RASGEF1C: variants seen among roughly 807,000 people sequenced by gnomAD.
The protein encoded by RASGEF1C is RasGEF domain family member 1C.
RASGEF1C carries 27 observed loss-of-function variants against 58.1 expected under a neutral mutation model. The observed-to-expected ratio is 0.46, with a 90% CI of 0.34 to 0.64. The LOEUF is 0.64. Among genes scored for constraint, RASGEF1C ranks in the 30% least tolerant of loss-of-function variants. The pLI, the probability that RASGEF1C is intolerant of heterozygous loss-of-function variation, is 0.01. For synonymous variants in RASGEF1C, 243 were observed against 246.3 expected (o/e 0.99, Z 0.13); for missense variants, 502 against 605.1 (o/e 0.83, Z 1.79).
chr5:180,179,378 G>A (rs11750181), intron 1 of RASGEF1C, among the ~76,000 whole-genome samples: 3,607 of 152,198 alleles, frequency 0.024, 92 homozygotes, highest in African/African-American at 0.051. Context: ...AGCCCAGAGG[G>A]CAGCATTTCA....
At chr5:180,153,105 G>GA (rs1400955620) in intron 1 of RASGEF1C, among the ~76,000 whole-genome samples, 1 of 152,040 alleles carries the variant, frequency 6.6e-6, no homozygotes, top group African/African-American at 2.4e-5. Context: ...CCCAAATGGG[G>GA]AAAATGGGAA....
At chr5:180,205,774 C>A (rs1238198185) in intron 1 of RASGEF1C, among the ~76,000 whole-genome samples, 1 of 151,658 alleles carries the variant, frequency 6.6e-6, no homozygotes, top group African/African-American at 2.4e-5. Flanking sequence ...GTTGCCCAGG[C>A]TGGAGTGCAG....
rs1027188918 is a variant in RASGEF1C at position 180,182,062 on chromosome 5, G to A, written c.-7+26966C>T. ...ACTAAAAATACAAAAAAAATTAGCC[G>A]GGCATGGTGGCGGGCGCCTGTAGTC... On this transcript the variant is annotated intron_variant, in intron 1 of 13. Coordinates refer to ENST00000361132, the MANE Select transcript of RASGEF1C (RefSeq NM_175062.4). Among the ~76,000 whole-genome samples, 14 of 151,884 alleles carry A rather than the reference G, an allele frequency of 9.2e-5. No homozygotes were observed. In the South Asian group the frequency reaches 1.5e-3, roughly 16 times the overall value.
In RASGEF1C at chr5:180,191,789, A is replaced by C. The variant is rs142150411; in HGVS notation, c.-7+17239T>G. Among the ~76,000 whole-genome samples, 70 of 152,316 alleles carry C rather than the reference A, an allele frequency of 4.6e-4. No homozygotes were observed. In the Middle Eastern group the frequency reaches 0.014, roughly 30 times the overall value. ...AATGTAATGATGTAAAGCAACATAAATGTACCATCTCCTAGTTCCTAAGGC... is the reference window on the plus strand; with the variant it reads ...AATGTAATGATGTAAAGCAACATAACTGTACCATCTCCTAGTTCCTAAGGC... On this transcript the variant is annotated intron_variant, in intron 1 of 13. Coordinates refer to ENST00000361132, the MANE Select transcript of RASGEF1C (RefSeq NM_175062.4).
intron 1 of RASGEF1C, among the ~76,000 whole-genome samples, chr5:180,181,453 G>C (rs924487366): frequency 1.3e-5 from 2 of 152,202 alleles, no homozygotes; most frequent in Admixed American, 6.5e-5. Flanking sequence ...AATGTAATGA[G>C]TGAAGAGGAG....
intron 1 of RASGEF1C, among the ~76,000 whole-genome samples, chr5:180,141,538 G>A (rs578109078): frequency 2.6e-5 from 4 of 152,300 alleles, no homozygotes; most frequent in Admixed American, 1.3e-4. Context: ...ACGGTGGGAC[G>A]GCGAGTGCCA....
intron 1 of RASGEF1C, among the ~76,000 whole-genome samples, chr5:180,194,108 T>A (rs1175901147): frequency 6.6e-6 from 1 of 151,346 alleles, no homozygotes; most frequent in Admixed American, 6.6e-5. Context: ...GACCTTGGGG[T>A]GTCCTCCCTG....
At chr5:180,172,561 A>G (rs1288921703) in intron 1 of RASGEF1C, among the ~76,000 whole-genome samples, 1 of 152,032 alleles carries the variant, frequency 6.6e-6, no homozygotes. Context: ...CCCTCCCACA[A>G]AGCCTAGCCC....
At chr5:180,106,364 T>C (rs1477847447) in intron 12 of RASGEF1C, among the ~76,000 whole-genome samples, 2 of 152,246 alleles carry the variant, frequency 1.3e-5, no homozygotes, top group Non-Finnish European at 2.9e-5. Context: ...AGATTCTTGA[T>C]GTAGGAACTT....
intron 12 of RASGEF1C, among the ~76,000 whole-genome samples, chr5:180,103,807 G>T (rs927965771): frequency 1.2e-4 from 18 of 152,192 alleles, no homozygotes. Flanking sequence ...AATGTTTGCA[G>T]AAGCGTTTCT....
Position 180,197,923 on chromosome 5 carries a change from G to A in RASGEF1C, c.-7+11105C>T, listed in dbSNP as rs1370025007. Reference sequence around the variant, plus strand: ...GTCTGCACTGCGTCCCACGCTTAGCGACATCCAATGCACGTAAAGCAGAAA... The same window carrying A: ...GTCTGCACTGCGTCCCACGCTTAGCAACATCCAATGCACGTAAAGCAGAAA... On this transcript the variant is annotated intron_variant, in intron 1 of 13. Coordinates refer to ENST00000361132, the MANE Select transcript of RASGEF1C (RefSeq NM_175062.4). The surrounding 1 kb of genome is among the most constrained non-coding windows in gnomAD (Gnocchi z 4.7). Among the ~76,000 whole-genome samples, 2 of 152,334 alleles carry A rather than the reference G, an allele frequency of 1.3e-5. No individual in the cohort carries two copies. The highest frequency in any genetic ancestry group is 1.9e-4 in the East Asian group (1 of 5,190).
rs1013713249 is a variant in RASGEF1C, at chr5:180,155,462, C to T, written c.-6-17404G>A. ...TGGCCTTGCCTTCAGGAGGGCAACGCGCTTGGCTGTGAGGGGAGGATTGGC... is the reference window on the plus strand; with the variant it reads ...TGGCCTTGCCTTCAGGAGGGCAACGTGCTTGGCTGTGAGGGGAGGATTGGC... On this transcript the variant is annotated intron_variant, in intron 1 of 13. Transcript: ENST00000361132. The surrounding 1 kb of genome is among the most constrained non-coding windows in gnomAD (Gnocchi z 5.2). Among the ~76,000 whole-genome samples the T allele has an allele frequency of 1.1e-4, 17 of 152,238 alleles. No individual in the cohort carries two copies. The highest frequency in any genetic ancestry group is 2.6e-4 in the African/African-American group (11 of 41,564).
intron 1 of RASGEF1C, chr5:180,138,356 C>G (rs541682920): frequency 3.4e-6 from 1 of 296,274 alleles, no homozygotes; most frequent in African/African-American, 2.2e-5. Context: ...CCCCGGCACC[C>G]CTCCACGAAG....
chr5:180,199,461 C>T (rs925775368), intron 1 of RASGEF1C, among the ~76,000 whole-genome samples: 2 of 152,118 alleles, frequency 1.3e-5, no homozygotes, highest in Non-Finnish European at 2.9e-5. Context: ...CCAAATGACC[C>T]GGGGAGATAT....
chr5:180,138,335 T>G, intron 1 of RASGEF1C: 1 of 336,078 alleles, frequency 3.0e-6, no homozygotes. Context: ...AGGCCTCTTC[T>G]AGATTCTTCC....
intron 4 of RASGEF1C, among the ~76,000 whole-genome samples, chr5:180,132,159 G>A (rs1218890811): frequency 6.6e-6 from 1 of 152,222 alleles, no homozygotes; most frequent in East Asian, 1.9e-4. Context: ...CCGTGCTGGG[G>A]TGGAGCAGCA....
chr5:180,136,417 G>A lies in RASGEF1C; in HGVS notation c.399C>T (p.His133=), dbSNP rs540146677. The A allele has an allele frequency of 3.2e-6, 5 of 1,560,562 alleles. No individual in the cohort carries two copies. The highest frequency in any genetic ancestry group is 1.2e-5 in the South Asian group (1 of 84,838). The change falls in exon 4 of 14, where the codon CAC becomes CAT. Residue 133 remains histidine (H), a synonymous_variant. Transcript: ENST00000361132. Reference sequence around the variant, plus strand: ...CGATGCGGCCCACGACGTCCTTAAGGTGCCCGATAGTCGACTCTTCCTGGA... The same window carrying A: ...CGATGCGGCCCACGACGTCCTTAAGATGCCCGATAGTCGACTCTTCCTGGA... ...RDFQEESTIG[H]LKDVVGRIAP... is the part of the protein sequence containing the mutation.
At chr5:180,130,189 G>A (rs1219226486) in intron 4 of RASGEF1C, among the ~76,000 whole-genome samples, 1 of 152,176 alleles carries the variant, frequency 6.6e-6, no homozygotes, top group Non-Finnish European at 1.5e-5. Context: ...CAAAGAAGTC[G>A]CATAGGGTGA....
intron 4 of RASGEF1C, among the ~76,000 whole-genome samples, chr5:180,133,797 G>A (rs1272137397): frequency 1.3e-5 from 2 of 152,158 alleles, no homozygotes; most frequent in East Asian, 3.9e-4. Flanking sequence ...TGTTTGAAAT[G>A]TTTCACAAGG....
Sources: allele counts gnomAD v4.1 joint callset (sites outside exome capture counted in the v4.1 genomes callset), GRCh38; gene constraint gnomAD v4.1.1; non-coding constraint Gnocchi (gnomAD v3.1); transcripts MANE v1.5; gene names NCBI Gene and HGNC (gene_info 2026-07-23, HGNC 2026-07-21).